The following CCDC180 variants were observed in gnomAD, a reference collection of about 807,000 sequenced individuals.
CCDC180 encodes the protein coiled-coil domain-containing protein 180.
CCDC180 carries 154 observed loss-of-function variants against 209.2 expected under a neutral mutation model. The ratio of observed to expected loss-of-function variants is 0.74; its 90% CI spans 0.65 to 0.84. The LOEUF (loss-of-function observed/expected upper bound fraction) is 0.84, where lower values mean the gene tolerates loss of function less well. Among genes scored for constraint, CCDC180 ranks in the 40% least tolerant of loss-of-function variants. The pLI is 0.00. For synonymous variants in CCDC180, 778 were observed against 749.1 expected, an observed-to-expected ratio of 1.04 and a Z score of -0.63; for missense variants, 1,874 against 1,997.3, an observed-to-expected ratio of 0.94 and a Z score of 1.18.
At position 97,366,218 on chromosome 9, in the gene CCDC180, G is replaced by A. The variant is rs1365483450; in HGVS notation, c.4048-341G>A. Among the ~76,000 whole-genome samples, 1 of 152,256 alleles carries A rather than the reference G, an allele frequency of 6.6e-6. No homozygotes were observed. ...GGTCCCTGGCTCGCCCGTCTTTGTG[G>A]CCTGCAGCCTATACCCAGCTTGGCA... On this transcript the variant is annotated intron_variant, in intron 30 of 36. Transcript: ENST00000529487. The surrounding 1 kb of genome is among the most constrained non-coding windows in gnomAD (Gnocchi z 4.3).
At chr9:97,328,940 T>C (rs1400966888) in intron 16 of CCDC180, among the ~76,000 whole-genome samples, 1 of 152,178 alleles carries the variant, frequency 6.6e-6, no homozygotes, top group Non-Finnish European at 1.5e-5. Flanking sequence ...GCTCTCTGGG[T>C]AAATGCATGA....
At chr9:97,310,445 C>T (rs1832945936) in intron 3 of CCDC180, among the ~76,000 whole-genome samples, 1 of 152,138 alleles carries the variant, frequency 6.6e-6, no homozygotes, top group Non-Finnish European at 1.5e-5. Context: ...TCAGGAGTTT[C>T]TTGTGAACTT....
intron 24 of CCDC180, 65 bp from the exon 25 acceptor site, chr9:97,357,562 C>T: frequency 9.2e-7 from 1 of 1,082,300 alleles, no homozygotes; most frequent in Non-Finnish European, 1.4e-6. Context: ...GTATGTTTCA[C>T]AGAATGTTTC....
In CCDC180 at chr9:97,376,839, G is replaced by T. The variant is rs145897954; in HGVS notation, c.4919G>T (p.Arg1640Leu). The T allele has an allele frequency of 6.8e-6, 11 of 1,613,226 alleles. No homozygotes were observed. Among genetic ancestry groups the T allele is most frequent in the African/African-American group, 1.3e-5 (1 of 74,900 alleles). Residue 1640 changes from arginine to leucine, a missense_variant, in exon 37 of 37, where the codon CGC (arginine) becomes CTC (leucine). Arg to Leu is a moderately radical substitution (Grantham distance 102). Transcript: ENST00000529487. ...DCTSQIKEAQ[R>L]WKDSWKQSLH... Reference sequence around the variant, plus strand: ...ACATCTCAGATAAAGGAGGCTCAGCGCTGGAAGGACAGCTGGAAGCAGTCC... The same window carrying T: ...ACATCTCAGATAAAGGAGGCTCAGCTCTGGAAGGACAGCTGGAAGCAGTCC...
At chr9:97,308,678 A>G (rs961686004) in intron 2 of CCDC180, among the ~76,000 whole-genome samples, 1 of 151,694 alleles carries the variant, frequency 6.6e-6, no homozygotes, top group Non-Finnish European at 1.5e-5. Flanking sequence ...CAAGATCTTA[A>G]AAGAAACACA....
chr9:97,317,725 C>G (rs905822345), intron 9 of CCDC180, among the ~76,000 whole-genome samples: 1 of 152,106 alleles, frequency 6.6e-6, no homozygotes, highest in Admixed American at 6.5e-5. Context: ...CTTCTTCTGC[C>G]AAGTGTCACT....
chr9:97,324,004 T>G, intron 13 of CCDC180, 101 bp downstream of exon 13: 1 of 1,352,410 alleles, frequency 7.4e-7, no homozygotes. Flanking sequence ...ACTTGCATGT[T>G]CCTAGTGTGT....
Position 97,366,228 on chromosome 9 carries a change from T to C in CCDC180, c.4048-331T>C, listed in dbSNP as rs547757528. Among the ~76,000 whole-genome samples, 79 of 152,386 alleles carry C rather than the reference T, an allele frequency of 5.2e-4. No individual in the cohort carries two copies. Among genetic ancestry groups the C allele is most frequent in the African/African-American group, 1.8e-3 (76 of 41,598 alleles). ...TCGCCCGTCTTTGTGGCCTGCAGCC[T>C]ATACCCAGCTTGGCACTTCCTTGTA... On this transcript the variant is annotated intron_variant, in intron 30 of 36. Transcript: ENST00000529487. The surrounding 1 kb of genome is among the most constrained non-coding windows in gnomAD (Gnocchi z 4.3).
rs762526444 is a variant in CCDC180, at chr9:97,317,115, T to C, written c.846T>C (p.Phe282=). 6.8e-6 allele frequency: 11 copies of C among 1,613,520 alleles called. No individual in the cohort carries two copies. Among genetic ancestry groups the C allele is most frequent in the Non-Finnish European group, 9.3e-6 (11 of 1,179,876 alleles). The change falls in exon 9 of 37, where the codon TTT becomes TTC. Residue 282 remains phenylalanine (F), a synonymous_variant. Coordinates refer to ENST00000529487, the MANE Select transcript of CCDC180 (RefSeq NM_020893.6). ...LGNRKALAQL[F]VNLMESTLQQ... is the part of the protein sequence containing the mutation. ...ACCGGAAGGCTCTCGCCCAGCTGTT[T>C]GTCAACCTGATGGAGTCCACCCTGC...
In CCDC180 at chr9:97,377,055, C is replaced by A; in HGVS notation, c.*161C>A. ...ACCAGCGAACAGGACACAGCATGGT[C>A]CCTGCCCACGTGGAGCCCTCTTCCC... On this transcript the variant is annotated 3_prime_UTR_variant, in exon 37 of 37. Transcript: ENST00000529487. The A allele has an allele frequency of 1.5e-6, 1 of 685,434 alleles. No homozygotes were observed. Among genetic ancestry groups the A allele is most frequent in the Non-Finnish European group, 2.2e-6 (1 of 450,410 alleles). The allele number at this position is 685,434 out of a possible 1,614,324, so 42.5% of individuals were successfully genotyped here.
chr9:97,350,623 C>G, intron 22 of CCDC180, 68 bp downstream of exon 22: 2 of 1,472,800 alleles, frequency 1.4e-6, no homozygotes, highest in Non-Finnish European at 1.8e-6. Flanking sequence ...GTCTTGTTTC[C>G]CCCTTAATTT....
At chr9:97,376,694 G>A in intron 36 of CCDC180, 69 bp from the exon 37 acceptor site, 1 of 1,531,614 alleles carries the variant, frequency 6.5e-7, no homozygotes, top group Non-Finnish European at 8.8e-7. Flanking sequence ...GCAAGTTACA[G>A]CATTGCCCTA....
At chr9:97,361,306 T>C (rs1410846481) in intron 26 of CCDC180, among the ~76,000 whole-genome samples, 1 of 152,244 alleles carries the variant, frequency 6.6e-6, no homozygotes, top group Non-Finnish European at 1.5e-5. Context: ...CAGGTCTAAC[T>C]TCAATCTCAC....
chr9:97,375,951 G>C, intron 36 of CCDC180: 1 of 253,078 alleles, frequency 4.0e-6, no homozygotes, highest in South Asian at 9.0e-5. Flanking sequence ...AGCAGGAGCA[G>C]TCACAGCTCC....
intron 16 of CCDC180, among the ~76,000 whole-genome samples, chr9:97,328,925 T>C (rs1825645683): frequency 6.6e-6 from 1 of 152,206 alleles, no homozygotes; most frequent in Non-Finnish European, 1.5e-5. Flanking sequence ...TCAGACACAA[T>C]AAATGCTCTC....
chr9:97,330,926 A>AG (rs998336933), intron 18 of CCDC180, among the ~76,000 whole-genome samples, 159 bp downstream of exon 18: 50 of 152,290 alleles, frequency 3.3e-4, no homozygotes, highest in African/African-American at 1.2e-3. Flanking sequence ...CTTTAAAAAA[A>AG]TTTTATTTTA....
intron 18 of CCDC180, among the ~76,000 whole-genome samples, chr9:97,334,886 A>G (rs1398975799): frequency 6.6e-6 from 1 of 152,162 alleles, no homozygotes; most frequent in East Asian, 1.9e-4. Context: ...TTAGCAGCTT[A>G]CTTTGAATGG....
rs1826776961 is a variant in CCDC180 at position 97,362,228 on chromosome 9, G to A, written c.3689G>A (p.Cys1230Tyr). 6.2e-7 allele frequency: 1 copy of A among 1,613,678 alleles called. No individual in the cohort carries two copies. Among genetic ancestry groups the A allele is most frequent in the Non-Finnish European group, 8.5e-7 (1 of 1,179,680 alleles). ...AACACAAAATGGCCAACCCACCATT[G>A]TGACAAAGATCCGTCCCAGACAGGT... ...LPNTKWPTHH[C>Y]DKDPSQTGRG... is the part of the protein sequence containing the mutation. The change falls in exon 28 of 37, where the codon TGT becomes TAT. Residue 1230 changes from cysteine to tyrosine, a missense_variant. By Grantham distance (194) the Cys-to-Tyr change is radical. Transcript: ENST00000529487.
Position 97,307,877 on chromosome 9 carries a change from A to G in CCDC180, c.-82+71A>G, listed in dbSNP as rs546247608. 1.1e-4 allele frequency: 184 copies of G among 1,604,264 alleles called. No homozygotes were observed. The South Asian group carries it at 1.9e-3, about 17-fold the overall frequency. On this transcript the variant is annotated intron_variant, in intron 1 of 36. Coordinates refer to ENST00000529487, the MANE Select transcript of CCDC180 (RefSeq NM_020893.6). ...TCCCCAGCCGCCTACCCCCCAGCAG[A>G]GAGTCCTTCCCCGGGGAGTCCTGCC...
Sources: allele counts gnomAD v4.1 joint callset (sites outside exome capture counted in the v4.1 genomes callset), GRCh38; gene constraint gnomAD v4.1.1; non-coding constraint Gnocchi (gnomAD v3.1); transcripts MANE v1.5; gene names NCBI Gene and HGNC (gene_info 2026-07-23, HGNC 2026-07-21).